The following ADAM20 variants were observed in gnomAD, a reference collection of about 807,000 sequenced individuals.
The protein encoded by ADAM20 is ADAM metallopeptidase domain 20.
For synonymous variants in ADAM20, 305 were observed against 310.2 expected, an observed-to-expected ratio of 0.98 and a Z score of 0.18; for missense variants, 871 against 883.2, an observed-to-expected ratio of 0.99 and a Z score of 0.18.
the ADAM20 span, among the ~76,000 whole-genome samples, chr14:70,560,845 T>C: frequency 1.3e-5 from 2 of 152,306 alleles, no homozygotes; most frequent in African/African-American, 4.8e-5. Context: ...TGTGAGTCAA[T>C]TAAACCTCCT....
At chr14:70,557,465 C>T in the ADAM20 span, 1 of 152,224 alleles carries the variant, frequency 6.6e-6, no homozygotes, top group African/African-American at 2.4e-5. Flanking sequence ...CACCGTAATT[C>T]TACTCACACT....
At chr14:70,558,186 AATAAGG>A in the ADAM20 span, among the ~76,000 whole-genome samples, 6 of 152,240 alleles carry the variant, frequency 3.9e-5, no homozygotes, top group Admixed American at 6.5e-5. Context: ...CAAAGCAAAG[AATAAGG>A]ATAACAAAAT....
At chr14:70,566,439 G>A in the ADAM20 span, among the ~76,000 whole-genome samples, 22,570 of 151,368 alleles carry the variant, frequency 0.15, 2,394 homozygotes, top group East Asian at 0.49. Flanking sequence ...ATACACAAAA[G>A]AGAAAGAGAA....
At chr14:70,578,108 A>C in the ADAM20 span, among the ~76,000 whole-genome samples, 1 of 152,170 alleles carries the variant, frequency 6.6e-6, no homozygotes, top group Non-Finnish European at 1.5e-5. Flanking sequence ...ATAGGAGAAA[A>C]TCTTTGTGAA....
chr14:70,569,837 C>T, the ADAM20 span, among the ~76,000 whole-genome samples: 12 of 126,718 alleles, frequency 9.5e-5, no homozygotes, highest in Non-Finnish European at 1.4e-4. Flanking sequence ...TGGGGGACTT[C>T]ACTACCCCAC....
At chr14:70,569,324 A>G in the ADAM20 span, among the ~76,000 whole-genome samples, 1 of 152,322 alleles carries the variant, frequency 6.6e-6, no homozygotes, top group South Asian at 2.1e-4. Context: ...AAAACAACAC[A>G]TAAGTACAAA....
chr14:70,567,499 A>G, the ADAM20 span, among the ~76,000 whole-genome samples: 26,643 of 152,122 alleles, frequency 0.18, 3,465 homozygotes, highest in East Asian at 0.49. Context: ...TCTCCCACCC[A>G]TCCAATGCCA....
chr14:70,577,961 T>C, the ADAM20 span, among the ~76,000 whole-genome samples: 1 of 152,136 alleles, frequency 6.6e-6, no homozygotes, highest in African/African-American at 2.4e-5. Flanking sequence ...CTTGATGCCA[T>C]TGGATTTGGC....
chr14:70,537,102 G>A (rs1394452658), upstream of ADAM20, among the ~76,000 whole-genome samples: 2 of 152,168 alleles, frequency 1.3e-5, no homozygotes, highest in Non-Finnish European at 2.9e-5. Flanking sequence ...GATACAGGCT[G>A]TCATGCAACC....
upstream of ADAM20, among the ~76,000 whole-genome samples, chr14:70,537,356 A>G (rs1729688879): frequency 6.6e-6 from 1 of 152,000 alleles, no homozygotes. Context: ...CTCTTTCCTC[A>G]TACTTCCTTC....
At chr14:70,532,894 A>ATG (rs1224991968) in intron 1 of ADAM20, among the ~76,000 whole-genome samples, 2 of 152,214 alleles carry the variant, frequency 1.3e-5, no homozygotes, top group African/African-American at 4.8e-5. Context: ...AAATATATAT[A>ATG]TATGGCCAAC....
chr14:70,564,735 AAT>A, the ADAM20 span, among the ~76,000 whole-genome samples: 1 of 132,028 alleles, frequency 7.6e-6, no homozygotes, highest in African/African-American at 3.1e-5. Context: ...AGATAGACGC[AAT>A]TTTTTTTTTT....
At chr14:70,564,964 C>T in the ADAM20 span, among the ~76,000 whole-genome samples, 1 of 151,120 alleles carries the variant, frequency 6.6e-6, no homozygotes, top group Non-Finnish European at 1.5e-5. Flanking sequence ...AGGAGGATTG[C>T]TTGAGCCCCG....
In ADAM20 at chr14:70,523,249, G is replaced by C; in HGVS notation, c.1509C>G (p.Cys503Trp). ...CATGGTTATTACACGTCTTTTCATAGCAGAAGGCATTCACATTACAGGAGA... is the reference window on the plus strand; with the variant it reads ...CATGGTTATTACACGTCTTTTCATACCAGAAGGCATTCACATTACAGGAGA... ...DGISCNVNAFCYEKTCNNHDI... is the reference protein window; with the variant it reads ...DGISCNVNAFWYEKTCNNHDI... The change falls in exon 2 of 2, where the codon TGC becomes TGG. Residue 503 changes from cysteine to tryptophan, a missense_variant. Transcript: ENST00000256389. 2 of 1,613,932 alleles carry C rather than the reference G, an allele frequency of 1.2e-6. No individual in the cohort carries two copies. Among genetic ancestry groups the C allele is most frequent in the Non-Finnish European group, 8.5e-7 (1 of 1,179,928 alleles).
chr14:70,562,442 G>A, the ADAM20 span, among the ~76,000 whole-genome samples: 3 of 152,220 alleles, frequency 2.0e-5, no homozygotes, highest in African/African-American at 7.2e-5. Flanking sequence ...ATGCTGAAAT[G>A]AGTTAAAGCT....
the ADAM20 span, among the ~76,000 whole-genome samples, chr14:70,566,171 T>C: frequency 6.6e-6 from 1 of 152,168 alleles, no homozygotes; most frequent in Non-Finnish European, 1.5e-5. Context: ...AAATATAGAA[T>C]CTTCTAATAT....
chr14:70,525,400 G>T (rs974561008), intron 1 of ADAM20, among the ~76,000 whole-genome samples: 4 of 151,740 alleles, frequency 2.6e-5, no homozygotes, highest in Non-Finnish European at 5.9e-5. Flanking sequence ...TTTTTTTGGG[G>T]GGATAGAGAT....
At chr14:70,564,018 C>G in the ADAM20 span, among the ~76,000 whole-genome samples, 4 of 152,340 alleles carry the variant, frequency 2.6e-5, no homozygotes, top group Admixed American at 2.6e-4. Flanking sequence ...CATGACTTCT[C>G]CCATGAGTGG....
chr14:70,578,747 T>G, the ADAM20 span, among the ~76,000 whole-genome samples: 1 of 151,968 alleles, frequency 6.6e-6, no homozygotes, highest in Non-Finnish European at 1.5e-5. Flanking sequence ...GATACAAGGG[T>G]ATATTGTGTG....
Sources: gnomAD v4.1 joint callset for allele counts (sites outside exome capture counted in the v4.1 genomes callset) on GRCh38, gnomAD v4.1.1 for gene constraint, MANE v1.5 for transcripts, NCBI Gene and HGNC (gene_info 2026-07-23, HGNC 2026-07-21) for gene names.